Variants in SLC15A1 observed in about 807,000 individuals in gnomAD.
SLC15A1 encodes Caco-2 oligopeptide transporter.
A neutral mutation model predicts 92.9 loss-of-function variants in SLC15A1; 83 were observed. The observed-to-expected ratio is 0.89, with a 90% CI of 0.75 to 1.07. SLC15A1 has a LOEUF of 1.07. SLC15A1 is among the 50% of genes least tolerant of loss of function. The pLI is 0.00. For missense variants in SLC15A1, 857 were observed against 880.1 expected (o/e 0.97, Z 0.33); for synonymous variants, 322 against 318.2 (o/e 1.01, Z -0.13).
At chr13:98,697,112 G>A (rs145656624) in intron 18 of SLC15A1, among the ~76,000 whole-genome samples, 109 of 152,174 alleles carry the variant, frequency 7.2e-4, no homozygotes, top group African/African-American at 2.1e-3. Context: ...CTGGAGTGCA[G>A]TGCCGCGATC....
At chr13:98,750,723 T>C (rs1057506036) in intron 1 of SLC15A1, among the ~76,000 whole-genome samples, 4 of 151,842 alleles carry the variant, frequency 2.6e-5, no homozygotes, top group African/African-American at 9.7e-5. Context: ...CTGAAGCAAT[T>C]CTGGCATGAC....
intron 18 of SLC15A1, among the ~76,000 whole-genome samples, chr13:98,693,681 TTGA>T (rs2088000139): frequency 6.6e-6 from 1 of 152,230 alleles, no homozygotes; most frequent in Non-Finnish European, 1.5e-5. Context: ...CTTTCAATTC[TTGA>T]TGACACCATT....
At chr13:98,715,029 G>A (rs1007769254) in intron 9 of SLC15A1, among the ~76,000 whole-genome samples, 6 of 152,130 alleles carry the variant, frequency 3.9e-5, no homozygotes, top group Non-Finnish European at 8.8e-5. Context: ...ACTGCTCCCG[G>A]CTGCATGCTA....
In SLC15A1 at chr13:98,712,504, T is replaced by A. The variant is rs1370197404; in HGVS notation, c.804A>T (p.Lys268Asn). Residue 268 changes from lysine (K) to asparagine (N), a missense_variant, in exon 10 of 23, where the codon AAA becomes AAT. Lys to Asn is a moderately conservative substitution (Grantham distance 94). Coordinates refer to ENST00000376503, the MANE Select transcript of SLC15A1 (RefSeq NM_005073.4). Reference sequence around the variant, plus strand: ...AGCAATGACCGTTACTTACATCGTATTTCTCTTTAGCCCAGTCCAGCCAGT... The same window carrying A: ...AGCAATGACCGTTACTTACATCGTAATTCTCTTTAGCCCAGTCCAGCCAGT... The part of the protein sequence containing the change: ...REHWLDWAKE[K>N]YDERLISQIK... 4 of 1,610,018 alleles carry A rather than the reference T, an allele frequency of 2.5e-6. No homozygotes were observed. The highest frequency in any genetic ancestry group is 1.6e-4 in the Middle Eastern group (1 of 6,074).
chr13:98,732,521 T>C (rs1023101753), intron 1 of SLC15A1, among the ~76,000 whole-genome samples: 3 of 152,178 alleles, frequency 2.0e-5, no homozygotes, highest in Admixed American at 1.3e-4. Flanking sequence ...CACGACTCAA[T>C]AAAATCTCCC....
intron 5 of SLC15A1, among the ~76,000 whole-genome samples, chr13:98,723,165 G>A (rs1290940687): frequency 1.3e-5 from 2 of 152,236 alleles, no homozygotes; most frequent in East Asian, 3.9e-4. Flanking sequence ...CTGTGGGAGG[G>A]CTCACAGCCA....
chr13:98,737,500 A>T (rs1566458627), intron 1 of SLC15A1, among the ~76,000 whole-genome samples: 1 of 152,184 alleles, frequency 6.6e-6, no homozygotes, highest in Non-Finnish European at 1.5e-5. Context: ...ATAATAATAA[A>T]AAAAGGAAAT....
At chr13:98,720,767 T>C in intron 7 of SLC15A1, 1 of 233,854 alleles carries the variant, frequency 4.3e-6, no homozygotes, top group Non-Finnish European at 8.5e-6. Flanking sequence ...AAACTTTGCC[T>C]TAGCCAGGCG....
At position 98,702,496 on chromosome 13, in the gene SLC15A1, C is replaced by CT. The variant is rs763928185; in HGVS notation, c.1449dup (p.Gly484ArgfsTer12). The CT allele has an allele frequency of 1.6e-5, 26 of 1,608,784 alleles. No individual in the cohort carries two copies. Among genetic ancestry groups the CT allele is most frequent in the Non-Finnish European group, 8.5e-7 (1 of 1,175,498 alleles). ...TATACATACCTGATTCCATTTTCCC[C>CT]TTTTTCTGGCTTCTGGTTAAGACCA... On this transcript the variant is annotated frameshift_variant, in exon 18 of 23. Coordinates refer to ENST00000376503, the MANE Select transcript of SLC15A1 (RefSeq NM_005073.4). LOFTEE classifies it high-confidence loss of function.
chr13:98,750,838 G>A (rs1369131129), intron 1 of SLC15A1, among the ~76,000 whole-genome samples: 1 of 150,588 alleles, frequency 6.6e-6, no homozygotes, highest in Non-Finnish European at 1.5e-5. Context: ...TGCAACCTTC[G>A]TCTCCTGGGT....
chr13:98,690,222 T>A (rs1356685374), intron 18 of SLC15A1, among the ~76,000 whole-genome samples: 1 of 152,234 alleles, frequency 6.6e-6, no homozygotes, highest in Admixed American at 6.5e-5. Flanking sequence ...CCAAGTTTCA[T>A]CAGTTTTGTG....
At chr13:98,712,459 G>T in intron 10 of SLC15A1, 39 bp downstream of exon 10, 1 of 1,464,826 alleles carries the variant, frequency 6.8e-7, no homozygotes, top group Non-Finnish European at 9.5e-7. Context: ...TTCACTTCCT[G>T]GGGGAATCAG....
intron 1 of SLC15A1, among the ~76,000 whole-genome samples, chr13:98,736,704 A>G (rs1314388599): frequency 6.6e-6 from 1 of 152,246 alleles, no homozygotes; most frequent in African/African-American, 2.4e-5. Context: ...ACACTTCTCA[A>G]AAGAAGACAT....
chr13:98,698,545 A>G (rs568125022), intron 18 of SLC15A1, among the ~76,000 whole-genome samples: 14 of 152,132 alleles, frequency 9.2e-5, no homozygotes, highest in Non-Finnish European at 1.8e-4. Context: ...ATGTTCAAGC[A>G]TTTCTTCTGC....
At chr13:98,739,606 G>A (rs1594009608) in intron 1 of SLC15A1, among the ~76,000 whole-genome samples, 1 of 152,118 alleles carries the variant, frequency 6.6e-6, no homozygotes, top group African/African-American at 2.4e-5. Flanking sequence ...TGACATGCCT[G>A]CTCCCCCTTC....
intron 1 of SLC15A1, among the ~76,000 whole-genome samples, chr13:98,750,473 C>G (rs533657645): frequency 1.6e-4 from 24 of 152,252 alleles, no homozygotes; most frequent in African/African-American, 5.5e-4. Context: ...GTTACTAAGT[C>G]TAATAAATGC....
intron 6 of SLC15A1, 48 bp from the exon 7 acceptor site, chr13:98,721,633 G>C (rs1379547019): frequency 3.7e-6 from 5 of 1,352,174 alleles, no homozygotes; most frequent in Non-Finnish European, 5.2e-6. Context: ...TCAATCCACT[G>C]AGCACAGGGA....
chr13:98,695,149 G>A (rs1055320179), intron 18 of SLC15A1, among the ~76,000 whole-genome samples: 4 of 151,970 alleles, frequency 2.6e-5, no homozygotes, highest in Non-Finnish European at 5.9e-5. Flanking sequence ...CCTATTTAGT[G>A]TAAAAATGTG....
At chr13:98,692,272 G>T (rs1304695060) in intron 18 of SLC15A1, among the ~76,000 whole-genome samples, 7 of 147,926 alleles carry the variant, frequency 4.7e-5, no homozygotes, top group Non-Finnish European at 8.9e-5. Context: ...TCTCACCTCA[G>T]CCTCCTAAGT....
Sources: gnomAD v4.1 joint callset for allele counts (sites outside exome capture counted in the v4.1 genomes callset) on GRCh38, gnomAD v4.1.1 for gene constraint, MANE v1.5 for transcripts, NCBI Gene and HGNC (gene_info 2026-07-23, HGNC 2026-07-21) for gene names.